Variants in SPAST observed in about 807,000 individuals in gnomAD.
The protein encoded by SPAST is spastic paraplegia 4 (autosomal dominant; spastin).
In SPAST, 30 loss-of-function variants were observed where a neutral mutation model predicts 76.6. That is an observed-to-expected ratio of 0.39 (90% CI 0.29 to 0.53). SPAST has a LOEUF of 0.53. Ranked by LOEUF, SPAST falls within the 20% of genes least tolerant of loss-of-function variation. The pLI is 0.68. For synonymous variants in SPAST, 305 were observed against 281.0 expected, an observed-to-expected ratio of 1.09 and a Z score of -0.86; for missense variants, 717 against 770.5, an observed-to-expected ratio of 0.93 and a Z score of 0.82.
chr2:32,116,062 C>G, intron 6 of SPAST, 57 bp from the exon 7 acceptor site: 1 of 1,273,276 alleles, frequency 7.9e-7, no homozygotes, highest in Non-Finnish European at 1.2e-6. Flanking sequence ...TAGGCTTCAT[C>G]TTGTAATAAC....
chr2:32,100,129 T>C (rs1412636723), intron 4 of SPAST, among the ~76,000 whole-genome samples: 3 of 152,292 alleles, frequency 2.0e-5, no homozygotes, highest in Middle Eastern at 3.4e-3. Flanking sequence ...TTCCCAAAAG[T>C]AGCGTATAAG....
chr2:32,097,040 A>G (rs1207298009), intron 3 of SPAST, among the ~76,000 whole-genome samples: 1 of 152,222 alleles, frequency 6.6e-6, no homozygotes, highest in Non-Finnish European at 1.5e-5. Flanking sequence ...CCTGTTTGTC[A>G]AACTTTAGAA....
chr2:32,098,017 T>C (rs2148717087), intron 3 of SPAST, among the ~76,000 whole-genome samples: 1 of 152,208 alleles, frequency 6.6e-6, no homozygotes, highest in South Asian at 2.1e-4. Flanking sequence ...TTTAATCTTT[T>C]CAAATTCTAG....
chr2:32,075,894 C>CTTTTTTT lies in SPAST; in HGVS notation c.416-11597_416-11596insTTTTTTT, dbSNP rs1286144548. Among the ~76,000 whole-genome samples the CTTTTTTT allele has an allele frequency of 2.9e-4, 25 of 87,196 alleles. 1 individual carries two copies. The highest frequency in any genetic ancestry group is 3.2e-4 in the Non-Finnish European group (15 of 46,838). 57.2% of individuals were successfully genotyped at this position (87,196 alleles called of 152,430 possible). ...TTTTTTTAATGAAAAATTCAAAATG[C>CTTTTTTT]TCTTTTTTTTTTTTTTTTTTTTTTG... On this transcript the variant is annotated intron_variant, in intron 1 of 16. Coordinates refer to ENST00000315285, the MANE Select transcript of SPAST (RefSeq NM_014946.4).
chr2:32,063,995 A>C lies in SPAST; in HGVS notation c.164A>C (p.Tyr55Ser). Residue 55 changes from tyrosine to serine, a missense_variant, in exon 1 of 17, where the codon TAC becomes TCC. Physicochemically the swap from Tyr to Ser is moderately radical, Grantham distance 144. Transcript: ENST00000315285. ...PHKRNLYYFS[Y>S]PLFVGFALLR... is the part of the protein sequence containing the mutation. ...AAGCGGAACCTGTACTATTTCTCCTACCCGCTGTTTGTAGGCTTCGCGCTG... is the reference window on the plus strand; with the variant it reads ...AAGCGGAACCTGTACTATTTCTCCTCCCCGCTGTTTGTAGGCTTCGCGCTG... 1 of 1,613,062 alleles carries C rather than the reference A, an allele frequency of 6.2e-7. No individual in the cohort carries two copies. Among genetic ancestry groups the C allele is most frequent in the Non-Finnish European group, 8.5e-7 (1 of 1,179,472 alleles).
At chr2:32,129,878 A>G (rs1170990141) in intron 9 of SPAST, 2 of 152,654 alleles carry the variant, frequency 1.3e-5, no homozygotes, top group East Asian at 3.9e-4. Context: ...ATGCACCTGT[A>G]GTCCCAGCTA....
At chr2:32,110,688 CTG>C (rs1415648461) in intron 4 of SPAST, among the ~76,000 whole-genome samples, 1 of 131,544 alleles carries the variant, frequency 7.6e-6, no homozygotes, top group Non-Finnish European at 1.6e-5. Flanking sequence ...TGTATATATA[CTG>C]TATATATAGT....
chr2:32,094,477 A>G (rs779401226), intron 3 of SPAST, among the ~76,000 whole-genome samples: 55 of 152,330 alleles, frequency 3.6e-4, no homozygotes, highest in Middle Eastern at 3.4e-3. Context: ...AGTAAGAGCC[A>G]ATACAACGCC....
chr2:32,065,937 G>A (rs1345160278), intron 1 of SPAST: 2 of 150,366 alleles, frequency 1.3e-5, no homozygotes, highest in Middle Eastern at 6.9e-3. Flanking sequence ...AATACTATGT[G>A]TTTGTAGAAG....
At chr2:32,082,656 A>G (rs946246914) in intron 1 of SPAST, among the ~76,000 whole-genome samples, 1 of 152,090 alleles carries the variant, frequency 6.6e-6, no homozygotes, top group East Asian at 1.9e-4. Context: ...AGATCGTGCC[A>G]TTGTACTCCA....
At chr2:32,097,263 T>C (rs1205171705) in intron 3 of SPAST, among the ~76,000 whole-genome samples, 2 of 152,136 alleles carry the variant, frequency 1.3e-5, no homozygotes, top group African/African-American at 4.8e-5. Context: ...GAGGGGTTTT[T>C]GTTGTTATTT....
At position 32,063,573 on chromosome 2, in the gene SPAST, C is replaced by G. The variant is rs949140625; in HGVS notation, c.-259C>G. ...GCGCGTGCGCGGCCGCCGCTGGGAG[C>G]CACCAGGCGGCGGAGAGGACAGCGA... On this transcript the variant is annotated 5_prime_UTR_variant, in exon 1 of 17. Coordinates refer to ENST00000315285, the MANE Select transcript of SPAST (RefSeq NM_014946.4). 4 of 508,710 alleles carry G rather than the reference C, an allele frequency of 7.9e-6. No homozygotes were observed. In the South Asian group the frequency reaches 1.0e-4, roughly 13 times the overall value. The allele number at this position is 508,710 out of a possible 1,614,324, so 31.5% of individuals were successfully genotyped here.
intron 16 of SPAST, among the ~76,000 whole-genome samples, chr2:32,149,066 T>C (rs1471458409): frequency 2.0e-5 from 3 of 151,962 alleles, no homozygotes; most frequent in African/African-American, 7.3e-5. Context: ...TTCTATTTTG[T>C]TTTTCAATAA....
intron 1 of SPAST, among the ~76,000 whole-genome samples, chr2:32,080,425 A>G (rs1226879712): frequency 1.5e-5 from 1 of 67,376 alleles, no homozygotes; most frequent in East Asian, 9.3e-4. Flanking sequence ...TAAGGCATGC[A>G]TTAGATAATG....
At position 32,155,365 on chromosome 2, in the gene SPAST, A is replaced by G. The variant is rs1275077988; in HGVS notation, c.*869A>G. 2.6e-5 allele frequency: 4 copies of G among 152,590 alleles called. No individual in the cohort carries two copies. Among genetic ancestry groups the G allele is most frequent in the Non-Finnish European group, 2.9e-5 (2 of 68,014 alleles). The allele number at this position is 152,590 out of a possible 1,614,324, so 9.5% of individuals were successfully genotyped here. On this transcript the variant is annotated 3_prime_UTR_variant, in exon 17 of 17. Coordinates refer to ENST00000315285, the MANE Select transcript of SPAST (RefSeq NM_014946.4). ...ATTATTCTGATATTTAAGAGAGCCA[A>G]TTTTAACTGCTGTGAAAATGTTTCC...
In SPAST at chr2:32,155,103, G is replaced by C. The variant is rs1680211497; in HGVS notation, c.*607G>C. On this transcript the variant is annotated 3_prime_UTR_variant, in exon 17 of 17. Coordinates refer to ENST00000315285, the MANE Select transcript of SPAST (RefSeq NM_014946.4). Reference sequence around the variant, plus strand: ...AATCTACAGACATTAAACAATTGTTGTGTTCTTTTTACCTTTTATTTTTCT... The same window carrying C: ...AATCTACAGACATTAAACAATTGTTCTGTTCTTTTTACCTTTTATTTTTCT... The C allele has an allele frequency of 6.5e-6, 1 of 153,180 alleles. No homozygotes were observed. Among genetic ancestry groups the C allele is most frequent in the African/African-American group, 2.4e-5 (1 of 41,438 alleles). 9.5% of individuals were successfully genotyped at this position (153,180 alleles called of 1,614,324 possible). A position where few individuals can be genotyped will look rare whatever the true frequency, so the allele number is the denominator to read the frequency against.
At chr2:32,075,134 T>C (rs1405810871) in intron 1 of SPAST, among the ~76,000 whole-genome samples, 1 of 151,814 alleles carries the variant, frequency 6.6e-6, no homozygotes, top group Admixed American at 6.6e-5. Flanking sequence ...ATTTAAACAG[T>C]GATATAGGCC....
chr2:32,150,410 AC>A (rs1425172031), intron 16 of SPAST, among the ~76,000 whole-genome samples: 2 of 150,668 alleles, frequency 1.3e-5, no homozygotes, highest in Admixed American at 1.3e-4. Context: ...TAGTTTTCTA[AC>A]TTATTTAATT....
chr2:32,114,954 T>TA, intron 5 of SPAST, 129 bp downstream of exon 5: 1 of 632,504 alleles, frequency 1.6e-6, no homozygotes, highest in Non-Finnish European at 2.5e-6. Flanking sequence ...TCCATAAAGT[T>TA]AAATTTTTTT....
Sources: allele counts gnomAD v4.1 joint callset (sites outside exome capture counted in the v4.1 genomes callset), GRCh38; gene constraint gnomAD v4.1.1; transcripts MANE v1.5; gene names NCBI Gene and HGNC (gene_info 2026-07-23, HGNC 2026-07-21).